The following COL5A1 variants were observed in gnomAD, a reference collection of about 807,000 sequenced individuals.
COL5A1 encodes the protein collagen type V alpha 1 chain, also known as collagen alpha-1(V) chain.
Under a neutral mutation model 263.7 loss-of-function variants are expected in COL5A1, and 16 were observed. The ratio of observed to expected loss-of-function variants is 0.06; its 90% CI spans 0.04 to 0.09. The LOEUF is 0.09. COL5A1 is among the 10% of genes least tolerant of loss of function. The pLI is 1.00. For synonymous variants in COL5A1, 1,012 were observed against 1,004.5 expected (o/e 1.01, Z -0.14); for missense variants, 2,036 against 2,540.5 (o/e 0.80, Z 4.27).
chr9:134,697,670 G>A (rs1210126485), intron 2 of COL5A1, among the ~76,000 whole-genome samples: 1 of 152,130 alleles, frequency 6.6e-6, no homozygotes, highest in Admixed American at 6.5e-5. Flanking sequence ...ATCACGTGGG[G>A]CTGCCATGGT....
intron 4 of COL5A1, chr9:134,708,428 G>C (rs763337764): frequency 4.9e-6 from 2 of 410,362 alleles, no homozygotes; most frequent in Non-Finnish European, 9.6e-6. Context: ...CCGGGGTGGG[G>C]GCTCTGGTGC....
At chr9:134,702,766 C>T (rs933781055) in intron 4 of COL5A1, among the ~76,000 whole-genome samples, 12 of 152,216 alleles carry the variant, frequency 7.9e-5, no homozygotes, top group South Asian at 2.1e-4. Context: ...GCAAGCCCAC[C>T]TGGGCTCTGT....
At chr9:134,658,844 A>C (rs980010677) in intron 1 of COL5A1, among the ~76,000 whole-genome samples, 3 of 152,170 alleles carry the variant, frequency 2.0e-5, no homozygotes, top group Admixed American at 2.0e-4. Context: ...GTCTCTCCGG[A>C]GCCCGGAAAC....
At chr9:134,724,782 T>C (rs144850062) in intron 4 of COL5A1, among the ~76,000 whole-genome samples, 1,954 of 152,268 alleles carry the variant, frequency 0.013, 19 homozygotes, top group South Asian at 0.026. Context: ...AAGCTGTCAC[T>C]AGACTCCTCC....
chr9:134,657,956 G>A (rs982650932), intron 1 of COL5A1, among the ~76,000 whole-genome samples: 1 of 151,896 alleles, frequency 6.6e-6, no homozygotes, highest in Admixed American at 6.6e-5. Context: ...TGGGAGTCCT[G>A]GCCTGTCGGG....
chr9:134,791,026 A>T (rs1363302717), intron 32 of COL5A1, among the ~76,000 whole-genome samples: 1 of 152,094 alleles, frequency 6.6e-6, no homozygotes, highest in East Asian at 1.9e-4. Context: ...TCTGCCCCTC[A>T]TGCGTCTCAG....
intron 11 of COL5A1, among the ~76,000 whole-genome samples, chr9:134,744,323 T>C (rs538059640): frequency 3.9e-4 from 52 of 132,398 alleles, no homozygotes; most frequent in African/African-American, 1.3e-3. Flanking sequence ...TCACATGCAC[T>C]CATGCACACA....
intron 1 of COL5A1, among the ~76,000 whole-genome samples, chr9:134,643,170 C>T (rs541369336): frequency 2.6e-5 from 4 of 152,124 alleles, no homozygotes; most frequent in South Asian, 2.1e-4. Context: ...CTCTCCCTGG[C>T]GCAGCTTCCT....
At chr9:134,728,987 A>G (rs966755639) in intron 6 of COL5A1, among the ~76,000 whole-genome samples, 180 bp downstream of exon 6, 2 of 152,224 alleles carry the variant, frequency 1.3e-5, no homozygotes, top group Admixed American at 1.3e-4. Context: ...CACGGGGCGT[A>G]TCGGGCTTTC....
At chr9:134,797,955 C>T (rs995455880) in intron 36 of COL5A1, among the ~76,000 whole-genome samples, 4 of 152,354 alleles carry the variant, frequency 2.6e-5, no homozygotes, top group South Asian at 2.1e-4. Context: ...TGGGGACACA[C>T]GTCGCCTTAT....
intron 1 of COL5A1, among the ~76,000 whole-genome samples, chr9:134,654,071 G>T (rs1182664600): frequency 7.0e-6 from 1 of 143,752 alleles, no homozygotes; most frequent in Non-Finnish European, 1.5e-5. Context: ...TGCAGGGCTG[G>T]GTGTGTGTAG....
intron 1 of COL5A1, among the ~76,000 whole-genome samples, chr9:134,669,235 T>TTCTTCCCTTCCCTTCCCTTC: frequency 5.0e-5 from 1 of 20,158 alleles, no homozygotes; most frequent in Non-Finnish European, 1.1e-4. Flanking sequence ...CCCTTCCCTT[T>TTCTTCCCTTCCCTTCCCTTC]CCTTCCCTTC....
intron 27 of COL5A1, among the ~76,000 whole-genome samples, chr9:134,775,533 C>T (rs1837022396): frequency 6.6e-6 from 1 of 152,202 alleles, no homozygotes; most frequent in Non-Finnish European, 1.5e-5. Flanking sequence ...ACACAGGTCC[C>T]CTCTGTCACA....
Position 134,844,202 on chromosome 9 carries a change from A to G in COL5A1, c.*1899A>G, listed in dbSNP as rs993260326. ...AAACACCGCCAGCGTGGATTTTCCA[A>G]ATTTCCCTGGAAAGTAAGTCTCGCT... is the stretch of plus-strand genomic sequence containing the variant. On this transcript the variant is annotated 3_prime_UTR_variant, in exon 66 of 66. Coordinates refer to ENST00000371817, the MANE Select transcript of COL5A1 (RefSeq NM_000093.5). The G allele has an allele frequency of 2.0e-5, 3 of 152,610 alleles. No homozygotes were observed. The allele number at this position is 152,610 out of a possible 1,614,324, so 9.5% of individuals were successfully genotyped here.
chr9:134,748,526 A>G (rs372663815), intron 11 of COL5A1, among the ~76,000 whole-genome samples: 80 of 152,380 alleles, frequency 5.3e-4, no homozygotes, highest in Middle Eastern at 3.4e-3. Context: ...CGACACAGGA[A>G]TCTCAGCTGT....
chr9:134,814,174 C>A, intron 49 of COL5A1, 138 bp downstream of exon 49: 2 of 849,004 alleles, frequency 2.4e-6, no homozygotes, highest in Non-Finnish European at 3.7e-6. Context: ...GTGCCCATTT[C>A]ATGGAATGAC....
intron 1 of COL5A1, chr9:134,649,631 C>G (rs1165990524): frequency 2.3e-6 from 1 of 428,154 alleles, no homozygotes; most frequent in East Asian, 7.0e-5. Flanking sequence ...GTGGTGATTC[C>G]TCAAGGATCT....
At chr9:134,782,970 G>T (rs541748341) in intron 29 of COL5A1, among the ~76,000 whole-genome samples, 1 of 152,126 alleles carries the variant, frequency 6.6e-6, no homozygotes, top group South Asian at 2.1e-4. Flanking sequence ...CAGCTCCTCC[G>T]CCCAGTGTCC....
chr9:134,667,166 A>G (rs1479250452), intron 1 of COL5A1, among the ~76,000 whole-genome samples: 1 of 152,218 alleles, frequency 6.6e-6, no homozygotes, highest in Admixed American at 6.5e-5. Context: ...TTCCCAGCAC[A>G]GAACTTCTGT....
Sources: gnomAD v4.1 joint callset for allele counts (sites outside exome capture counted in the v4.1 genomes callset) on GRCh38, gnomAD v4.1.1 for gene constraint, MANE v1.5 for transcripts, NCBI Gene and HGNC (gene_info 2026-07-23, HGNC 2026-07-21) for gene names.